FCHO2: variants seen among roughly 807,000 people sequenced by gnomAD.
FCHO2 encodes F-BAR domain only protein 2.
Under a neutral mutation model 114.1 loss-of-function variants are expected in FCHO2, and 43 were observed. The observed-to-expected ratio is 0.38, with a 90% CI of 0.30 to 0.49. FCHO2 has a LOEUF of 0.49. Ranked by LOEUF, FCHO2 falls within the 20% of genes least tolerant of loss-of-function variation. The probability of loss-of-function intolerance (pLI) is 0.97; values close to 1 mark genes in which losing one functional copy is unlikely to be tolerated. For missense variants in FCHO2, 807 were observed against 950.4 expected, an observed-to-expected ratio of 0.85 and a Z score of 1.98; for synonymous variants, 293 against 315.2, an observed-to-expected ratio of 0.93 and a Z score of 0.75.
At chr5:72,970,455 A>G (rs1158973694) in intron 2 of FCHO2, among the ~76,000 whole-genome samples, 1 of 151,806 alleles carries the variant, frequency 6.6e-6, no homozygotes, top group Non-Finnish European at 1.5e-5. Flanking sequence ...CTCTTCACCT[A>G]GTTAATGCCT....
intron 8 of FCHO2, among the ~76,000 whole-genome samples, chr5:73,031,530 G>C (rs150178471): frequency 3.1e-3 from 474 of 152,210 alleles, no homozygotes; most frequent in African/African-American, 0.011. Flanking sequence ...AAACATTTGT[G>C]GTGATCAAAG....
At chr5:73,084,870 C>T (rs896633614) in intron 24 of FCHO2, among the ~76,000 whole-genome samples, 2 of 152,166 alleles carry the variant, frequency 1.3e-5, no homozygotes, top group African/African-American at 4.8e-5. Context: ...TGACTTTAAC[C>T]CTAGCTATTA....
In FCHO2 at chr5:73,078,182, A is replaced by G; in HGVS notation, c.1850A>G (p.Asp617Gly). The change falls in exon 22 of 26, where the codon GAT (aspartate) becomes GGT (glycine). Residue 617 changes from aspartate to glycine, a missense_variant and splice_region_variant. Asp to Gly is a moderately conservative substitution (Grantham distance 94, BLOSUM62 -1). Transcript: ENST00000430046. The stretch of plus-strand genomic sequence containing the variant: ...AAATATATTTTTTATATATGTAGTG[A>G]TCCATCACAATGTGATTCCAACACA... ...ILPNAQLVFS[D>G]PSQCDSNTKD... 3 of 1,541,888 alleles carry G rather than the reference A, an allele frequency of 1.9e-6. No individual in the cohort carries two copies. Among genetic ancestry groups the G allele is most frequent in the Admixed American group, 2.0e-5 (1 of 49,352 alleles).
intron 5 of FCHO2, among the ~76,000 whole-genome samples, chr5:72,991,893 T>A (rs574459023): frequency 1.1e-4 from 16 of 152,342 alleles, no homozygotes; most frequent in Admixed American, 7.2e-4. Context: ...AGTTTTACAT[T>A]GAAGTTTGAT....
chr5:72,981,851 C>A (rs1317659171), intron 2 of FCHO2, among the ~76,000 whole-genome samples: 2 of 152,112 alleles, frequency 1.3e-5, no homozygotes, highest in Non-Finnish European at 2.9e-5. Flanking sequence ...TTCGTCTAAC[C>A]TTTTTTCAAG....
At chr5:73,024,563 C>T (rs1025530522) in intron 8 of FCHO2, among the ~76,000 whole-genome samples, 3 of 152,016 alleles carry the variant, frequency 2.0e-5, no homozygotes, top group East Asian at 1.9e-4. Context: ...CTCAGCCTCC[C>T]GAGTAGCTGG....
At chr5:73,063,157 G>A (rs1757925774) in intron 17 of FCHO2, among the ~76,000 whole-genome samples, 1 of 151,826 alleles carries the variant, frequency 6.6e-6, no homozygotes, top group East Asian at 1.9e-4. Context: ...AATTTACATT[G>A]TGATGAGATT....
intron 6 of FCHO2, among the ~76,000 whole-genome samples, chr5:73,008,384 T>G (rs914541390): frequency 6.6e-6 from 1 of 152,054 alleles, no homozygotes; most frequent in Non-Finnish European, 1.5e-5. Context: ...AGTGAATGCA[T>G]TGGAGATGGC....
chr5:73,015,807 C>A, intron 7 of FCHO2, 83 bp downstream of exon 7: 3 of 768,758 alleles, frequency 3.9e-6, no homozygotes, highest in South Asian at 2.5e-5. Context: ...TCACTCTGTT[C>A]AAAGTTCATA....
At position 73,048,108 on chromosome 5, in the gene FCHO2, C is replaced by G. The variant is rs542431626; in HGVS notation, c.940-3241C>G. 5.5e-4 allele frequency among the ~76,000 whole-genome samples: 84 copies of G among 152,268 alleles called. 2 individuals are homozygous for G. Among genetic ancestry groups the G allele is most frequent in the African/African-American group, 1.9e-3 (77 of 41,542 alleles). ...TTCCTGCCCTCAGCCTCCTGAAGAACTGGGGTTACAGTCATGAGCTACCAC... is the reference window on the plus strand; with the variant it reads ...TTCCTGCCCTCAGCCTCCTGAAGAAGTGGGGTTACAGTCATGAGCTACCAC... On this transcript the variant is annotated intron_variant, in intron 11 of 25. Transcript: ENST00000430046.
intron 8 of FCHO2, among the ~76,000 whole-genome samples, chr5:73,030,134 T>C (rs1278162667): frequency 6.6e-6 from 1 of 150,898 alleles, no homozygotes; most frequent in Non-Finnish European, 1.5e-5. Flanking sequence ...CTCCGCCTCC[T>C]GGGTTCAAGT....
Position 73,087,771 on chromosome 5 carries a change from A to C in FCHO2, c.2410+18A>C, listed in dbSNP as rs749518248. On this transcript the variant is annotated intron_variant, in intron 25 of 25. Coordinates refer to ENST00000430046, the MANE Select transcript of FCHO2 (RefSeq NM_138782.3). Reference sequence around the variant, plus strand: ...TGCTACTGGTAAGTTAGGAGATTTCAAACTTTTTAATGTACATGGGAAACA... The same window carrying C: ...TGCTACTGGTAAGTTAGGAGATTTCCAACTTTTTAATGTACATGGGAAACA... 7.1e-6 allele frequency: 11 copies of C among 1,546,634 alleles called. No individual in the cohort carries two copies. The African/African-American group carries it at 1.2e-4, about 18-fold the overall frequency.
In FCHO2 at chr5:72,968,167, G is replaced by A. The variant is rs556442296; in HGVS notation, c.34-331G>A. 9.9e-5 allele frequency among the ~76,000 whole-genome samples: 15 copies of A among 151,818 alleles called. No homozygotes were observed. The South Asian group carries it at 1.0e-3, about 11-fold the overall frequency. ...TCTCGACCTCCTGACCTCGTGATCC[G>A]CCCACCTCGGCCTCCCAAAGTGCTG... is the stretch of plus-strand genomic sequence containing the variant. On this transcript the variant is annotated intron_variant, in intron 1 of 25. Transcript: ENST00000430046.
At chr5:72,981,951 G>A (rs1204154966) in intron 2 of FCHO2, among the ~76,000 whole-genome samples, 1 of 152,156 alleles carries the variant, frequency 6.6e-6, no homozygotes, top group Non-Finnish European at 1.5e-5. Flanking sequence ...ACTTCTGTCA[G>A]TTTGTCAAAC....
At chr5:73,071,931 A>G (rs1228096637) in intron 19 of FCHO2, among the ~76,000 whole-genome samples, 2 of 151,998 alleles carry the variant, frequency 1.3e-5, no homozygotes, top group African/African-American at 4.8e-5. Context: ...AAGAATATTT[A>G]TGCAGGTTTC....
At chr5:73,040,509 C>T (rs1489482157) in intron 10 of FCHO2, among the ~76,000 whole-genome samples, 1 of 152,168 alleles carries the variant, frequency 6.6e-6, no homozygotes, top group African/African-American at 2.4e-5. Flanking sequence ...CATGGAAATT[C>T]TTCTAACCTC....
At chr5:73,012,381 G>A (rs1306603641) in intron 6 of FCHO2, among the ~76,000 whole-genome samples, 1 of 152,124 alleles carries the variant, frequency 6.6e-6, no homozygotes, top group African/African-American at 2.4e-5. Flanking sequence ...CCAGCGCTTT[G>A]GGAGGCCGCG....
chr5:73,074,085 G>T (rs919142547), intron 19 of FCHO2, among the ~76,000 whole-genome samples: 8 of 151,598 alleles, frequency 5.3e-5, no homozygotes, highest in African/African-American at 1.9e-4. Context: ...CTGAACACTT[G>T]CATAAATTTG....
At chr5:72,997,341 A>G in intron 5 of FCHO2, 2 of 1,584,402 alleles carry the variant, frequency 1.3e-6, no homozygotes, top group Non-Finnish European at 1.7e-6. Flanking sequence ...GTGGCAGATA[A>G]ACTGGACAAT....
Sources: allele counts gnomAD v4.1 joint callset (sites outside exome capture counted in the v4.1 genomes callset), GRCh38; gene constraint gnomAD v4.1.1; transcripts MANE v1.5; gene names NCBI Gene and HGNC (gene_info 2026-07-23, HGNC 2026-07-21).